PDZD2: variants seen among roughly 807,000 people sequenced by gnomAD.
PDZD2 encodes PDZ domain-containing protein 2.
A neutral mutation model predicts 220.7 loss-of-function variants in PDZD2; 90 were observed. The ratio of observed to expected loss-of-function variants is 0.41; its 90% CI spans 0.34 to 0.49. PDZD2 has a LOEUF of 0.49. PDZD2 is among the 20% of genes least tolerant of loss of function. The pLI is 0.28. For missense variants in PDZD2, 3,174 were observed against 3,608.5 expected (o/e 0.88, Z 3.08); for synonymous variants, 1,375 against 1,450.5 (o/e 0.95, Z 1.18).
In PDZD2 at chr5:32,104,895, G is replaced by T. The variant is rs540346604; in HGVS notation, c.8354-3074G>T. ...TCACACCTGTAATCCCAGCACTTTG[G>T]AGACCAAGGTGGGCAGATCACTTGA... is the stretch of plus-strand genomic sequence containing the variant. On this transcript the variant is annotated intron_variant, in intron 24 of 24. Transcript: ENST00000438447. Among the ~76,000 whole-genome samples, 19 of 152,056 alleles carry T rather than the reference G, an allele frequency of 1.2e-4. No individual in the cohort carries two copies. The South Asian group carries it at 3.7e-3, about 30-fold the overall frequency.
At chr5:32,095,525 C>A (rs1743585401) in intron 21 of PDZD2, among the ~76,000 whole-genome samples, 1 of 152,186 alleles carries the variant, frequency 6.6e-6, no homozygotes, top group East Asian at 1.9e-4. Flanking sequence ...CTGACTTCAA[C>A]ACACCCAAAC....
intron 7 of PDZD2, 94 bp downstream of exon 7, chr5:32,037,436 C>A: frequency 1.4e-6 from 1 of 720,904 alleles, no homozygotes; most frequent in South Asian, 1.7e-5. Flanking sequence ...GAGCTCCCGT[C>A]TTCCTTAAAA....
At chr5:31,665,638 T>TCCCC (rs202150349) in intron 1 of PDZD2, among the ~76,000 whole-genome samples, 1 of 75,690 alleles carries the variant, frequency 1.3e-5, no homozygotes, top group African/African-American at 4.5e-5. Context: ...GTTTGGAAGT[T>TCCCC]CCCCCTCCCC....
chr5:31,695,079 G>A (rs753206210), intron 1 of PDZD2, among the ~76,000 whole-genome samples: 3 of 151,660 alleles, frequency 2.0e-5, no homozygotes, highest in African/African-American at 4.8e-5. Context: ...AGCCGAGATC[G>A]CACCACTGCA....
At chr5:31,987,779 C>T (rs1750831106) in intron 3 of PDZD2, among the ~76,000 whole-genome samples, 1 of 152,194 alleles carries the variant, frequency 6.6e-6, no homozygotes, top group Non-Finnish European at 1.5e-5. Flanking sequence ...GGGTGACCAA[C>T]CATCCTGGTT....
At chr5:32,024,013 G>A (rs1012096780) in intron 6 of PDZD2, among the ~76,000 whole-genome samples, 18 of 152,184 alleles carry the variant, frequency 1.2e-4, no homozygotes, top group African/African-American at 3.4e-4. Context: ...TAGTCACTAC[G>A]TAGCCAGCTC....
At position 32,087,477 on chromosome 5, in the gene PDZD2, C is replaced by A. The variant is rs12520467; in HGVS notation, c.4029C>A (p.Asp1343Glu). 5,873 of 1,613,470 alleles carry A rather than the reference C, an allele frequency of 3.6e-3. 205 individuals are homozygous for A. In the Admixed American group the frequency reaches 0.067, roughly 18 times the overall value. Residue 1343 changes from aspartate (D) to glutamate (E), a missense_variant, in exon 20 of 25, where the codon GAC (aspartate) becomes GAA (glutamate). Around this residue, in one of 4 missense-constraint regions of PDZD2, gnomAD observed 1,861 missense variants for 2,001.0 expected, o/e 0.93. Coordinates refer to ENST00000438447, the MANE Select transcript of PDZD2 (RefSeq NM_178140.4). The surrounding 1 kb of genome is among the most constrained non-coding windows in gnomAD (Gnocchi z 4.0). ...CAGCTGGTGCTGTCCTGCCAGGAGA[C>A]CCCCTCACATCCCAGGAGCAGAGAC... ...MTPAGAVLPGDPLTSQEQRQG... is the reference protein window; with the variant it reads ...MTPAGAVLPGEPLTSQEQRQG...
chr5:31,840,964 T>C (rs1757266153), intron 2 of PDZD2: 1 of 451,004 alleles, frequency 2.2e-6, no homozygotes, highest in Admixed American at 3.2e-5. Flanking sequence ...TCTCTTTGTG[T>C]TTCTCATTTT....
At chr5:31,830,533 T>C (rs1332951797) in intron 2 of PDZD2, among the ~76,000 whole-genome samples, 1 of 152,020 alleles carries the variant, frequency 6.6e-6, no homozygotes. Context: ...TTTAAAAAAT[T>C]ATGAACTAGC....
intron 2 of PDZD2, among the ~76,000 whole-genome samples, chr5:31,965,823 C>T (rs1022751848): frequency 6.6e-6 from 1 of 152,074 alleles, no homozygotes; most frequent in Admixed American, 6.6e-5. Flanking sequence ...CACTTGAACC[C>T]AAGAGGCAGA....
chr5:31,947,252 C>T (rs1746724265), intron 2 of PDZD2, among the ~76,000 whole-genome samples: 1 of 152,206 alleles, frequency 6.6e-6, no homozygotes, highest in Non-Finnish European at 1.5e-5. Flanking sequence ...CTATTCTAAG[C>T]CCCGGGGGCC....
At chr5:31,985,117 C>CAAA (rs373205260) in intron 3 of PDZD2, among the ~76,000 whole-genome samples, 25 of 143,350 alleles carry the variant, frequency 1.7e-4, no homozygotes, top group African/African-American at 5.3e-4. Flanking sequence ...GGATTAAGGA[C>CAAA]AAAAAAAAAA....
At chr5:31,678,545 G>A (rs1031603918) in intron 1 of PDZD2, among the ~76,000 whole-genome samples, 3 of 152,136 alleles carry the variant, frequency 2.0e-5, no homozygotes, top group Admixed American at 2.0e-4. Context: ...CTGGAGCCTG[G>A]GGACGTCAGT....
chr5:31,967,270 G>C (rs1347038779), intron 2 of PDZD2, among the ~76,000 whole-genome samples: 1 of 152,156 alleles, frequency 6.6e-6, no homozygotes, highest in East Asian at 1.9e-4. Context: ...TGTGTGTGAG[G>C]AGCATCAAGT....
At chr5:31,920,205 T>C (rs1240976730) in intron 2 of PDZD2, among the ~76,000 whole-genome samples, 1 of 151,864 alleles carries the variant, frequency 6.6e-6, no homozygotes, top group Non-Finnish European at 1.5e-5. Flanking sequence ...AATTGCTGGA[T>C]CCCAGGAAGT....
intron 10 of PDZD2, among the ~76,000 whole-genome samples, chr5:32,057,092 T>C (rs1228716276): frequency 6.6e-6 from 1 of 151,912 alleles, no homozygotes; most frequent in Admixed American, 6.5e-5. Context: ...AGAGCAATAC[T>C]CTGTTTCAAA....
chr5:32,104,716 TAAAAAAAAAAAAAAAAAAAA>T (rs755177769), intron 24 of PDZD2, among the ~76,000 whole-genome samples: 2 of 30,054 alleles, frequency 6.7e-5, no homozygotes, highest in Non-Finnish European at 1.5e-4. Context: ...AGGCTCCATC[TAAAAAAAAAAAAAAAAAAAA>T]AAAAAAAAAA....
chr5:32,061,399 C>G (rs534346170), intron 14 of PDZD2, among the ~76,000 whole-genome samples: 12 of 152,092 alleles, frequency 7.9e-5, no homozygotes, highest in African/African-American at 2.7e-4. Flanking sequence ...GCTTTTTGAG[C>G]TCTGGTGAGA....
chr5:32,011,617 G>A lies in PDZD2; in HGVS notation c.1407+1135G>A, dbSNP rs2112088176. 1.3e-5 allele frequency among the ~76,000 whole-genome samples: 2 copies of A among 152,284 alleles called. 1 individual carries two copies. The highest frequency in any genetic ancestry group is 4.1e-4 in the South Asian group (2 of 4,824). ...TGTTCCCCATCTAAACAGCTGTGGG[G>A]TGGGTGGGTGCCCTCTCTCTGCCCC... is the stretch of plus-strand genomic sequence containing the variant. On this transcript the variant is annotated intron_variant, in intron 6 of 24. Coordinates refer to ENST00000438447, the MANE Select transcript of PDZD2 (RefSeq NM_178140.4).
Sources: gnomAD v4.1 joint callset for allele counts (sites outside exome capture counted in the v4.1 genomes callset) on GRCh38, gnomAD v4.1.1 for gene constraint, gnomAD v4.1.1 regional missense constraint, Gnocchi (gnomAD v3.1) non-coding constraint, MANE v1.5 for transcripts, NCBI Gene and HGNC (gene_info 2026-07-23, HGNC 2026-07-21) for gene names.